Variants in TMEM38B observed in about 807,000 individuals in gnomAD.
The protein encoded by TMEM38B is trimeric intracellular cation channel type B.
In TMEM38B, 24 loss-of-function variants were observed where a neutral mutation model predicts 28.7. The ratio of observed to expected loss-of-function variants is 0.84; its 90% CI spans 0.61 to 1.18. The LOEUF is 1.18. TMEM38B is among the 50% of genes most tolerant of loss of function. The pLI, the probability that TMEM38B is intolerant of heterozygous loss-of-function variation, is 0.00. For missense variants in TMEM38B, 380 were observed against 350.9 expected (o/e 1.08, Z -0.66); for synonymous variants, 131 against 127.7 (o/e 1.03, Z -0.17).
Position 105,774,000 on chromosome 9 carries a change from G to T in TMEM38B, c.796G>T (p.Gly266Cys), listed in dbSNP as rs1226805292. ...AAGTGAAGCAAAGTCACCTTCCAAT[G>T]GCGTTGGGTCATTGGCCTCAAAGCC... ...KKSEAKSPSN[G>C]VGSLASKPVD... The change falls in exon 6 of 6, where the codon GGC becomes TGC. Residue 266 changes from glycine to cysteine, a missense_variant. Coordinates refer to ENST00000374692, the MANE Select transcript of TMEM38B (RefSeq NM_018112.3). 60 of 1,613,632 alleles carry T rather than the reference G, an allele frequency of 3.7e-5. No homozygotes were observed. Among genetic ancestry groups the T allele is most frequent in the Non-Finnish European group, 4.9e-5 (58 of 1,179,806 alleles).
At chr9:105,695,716 G>A (rs1319750294) in intron 1 of TMEM38B, among the ~76,000 whole-genome samples, 3 of 152,104 alleles carry the variant, frequency 2.0e-5, no homozygotes, top group Non-Finnish European at 4.4e-5. Flanking sequence ...TGATGAGTGA[G>A]GTCTGGAGGA....
chr9:105,715,906 A>AT (rs894741873), intron 2 of TMEM38B, among the ~76,000 whole-genome samples: 1 of 151,104 alleles, frequency 6.6e-6, no homozygotes, highest in African/African-American at 2.4e-5. Context: ...TATTCTGCTT[A>AT]TTTTTTTTCT....
chr9:105,774,254 G>T lies in TMEM38B; in HGVS notation c.*174G>T, dbSNP rs879161290. 8.3e-6 allele frequency: 5 copies of T among 600,818 alleles called. No homozygotes were observed. In the South Asian group the frequency reaches 8.4e-5, roughly 10 times the overall value. 37.2% of individuals were successfully genotyped at this position (600,818 alleles called of 1,614,324 possible). A position where few individuals can be genotyped will look rare whatever the true frequency, so the allele number is the denominator to read the frequency against. On this transcript the variant is annotated 3_prime_UTR_variant, in exon 6 of 6. Coordinates refer to ENST00000374692, the MANE Select transcript of TMEM38B (RefSeq NM_018112.3). ...GACTTCCCCTTTCTGGATTGTATTT[G>T]TAGAGTGTTACGAGTGTATCATGTG...
chr9:105,724,551 A>G (rs1198145097), intron 4 of TMEM38B, among the ~76,000 whole-genome samples: 1 of 151,632 alleles, frequency 6.6e-6, no homozygotes, highest in East Asian at 1.9e-4. Context: ...TGAACCTGGG[A>G]GGCAGAAGTT....
intron 5 of TMEM38B, among the ~76,000 whole-genome samples, chr9:105,761,300 G>A (rs2133639501): frequency 6.6e-6 from 1 of 152,046 alleles, no homozygotes; most frequent in Middle Eastern, 3.4e-3. Flanking sequence ...TAAAATATGT[G>A]TATATTTTAT....
At chr9:105,701,882 A>G (rs1464910924) in intron 1 of TMEM38B, among the ~76,000 whole-genome samples, 1 of 152,226 alleles carries the variant, frequency 6.6e-6, no homozygotes, top group Non-Finnish European at 1.5e-5. Context: ...GAATAACTGC[A>G]AGGTGAGTAT....
At chr9:105,742,013 A>G (rs1397817145) in intron 4 of TMEM38B, among the ~76,000 whole-genome samples, 1 of 152,202 alleles carries the variant, frequency 6.6e-6, no homozygotes, top group East Asian at 1.9e-4. Flanking sequence ...CTCTTTGCCT[A>G]GTGACATGGA....
At chr9:105,758,141 C>T (rs1326130637) in intron 5 of TMEM38B, 25 of 545,186 alleles carry the variant, frequency 4.6e-5, no homozygotes, top group South Asian at 1.6e-4. Flanking sequence ...CTGCCATGGA[C>T]GCCAGTGGGC....
At chr9:105,760,522 T>G in intron 5 of TMEM38B, 1 of 744,332 alleles carries the variant, frequency 1.3e-6, no homozygotes. Flanking sequence ...GCAAAAAGTT[T>G]CTACCTCTCA....
At chr9:105,718,999 T>C (rs1836218531) in intron 2 of TMEM38B, among the ~76,000 whole-genome samples, 1 of 152,192 alleles carries the variant, frequency 6.6e-6, no homozygotes, top group Non-Finnish European at 1.5e-5. Context: ...ACATGAACTG[T>C]ATTTAGTTTA....
chr9:105,763,720 T>A (rs12345569), intron 5 of TMEM38B, among the ~76,000 whole-genome samples: 3,982 of 151,902 alleles, frequency 0.026, 83 homozygotes, highest in Non-Finnish European at 0.036. Context: ...AATCCTCCCT[T>A]ACTCATTTTA....
intron 5 of TMEM38B, chr9:105,759,510 C>CTAA: frequency 6.3e-7 from 1 of 1,578,882 alleles, no homozygotes; most frequent in Non-Finnish European, 8.7e-7. Flanking sequence ...TGGGAGGAAG[C>CTAA]TGTCATAATT....
Position 105,774,235 on chromosome 9 carries a change from C to G in TMEM38B, c.*155C>G. 1.6e-6 allele frequency: 1 copy of G among 629,920 alleles called. No homozygotes were observed. The highest frequency in any genetic ancestry group is 2.0e-5 in the South Asian group (1 of 48,814). 39.0% of individuals were successfully genotyped at this position (629,920 alleles called of 1,614,324 possible). A position where few individuals can be genotyped will look rare whatever the true frequency, so the allele number is the denominator to read the frequency against. Reference sequence around the variant, plus strand: ...AAATTCTTTGTTTGAGGGAGACTTCCCCTTTCTGGATTGTATTTGTAGAGT... The same window carrying G: ...AAATTCTTTGTTTGAGGGAGACTTCGCCTTTCTGGATTGTATTTGTAGAGT... On this transcript the variant is annotated 3_prime_UTR_variant, in exon 6 of 6. Transcript: ENST00000374692.
At chr9:105,773,355 T>G (rs1826621068) in intron 5 of TMEM38B, among the ~76,000 whole-genome samples, 2 of 152,176 alleles carry the variant, frequency 1.3e-5, no homozygotes, top group Admixed American at 1.3e-4. Context: ...ATGATGATAG[T>G]CAGTGTATTT....
chr9:105,720,697 A>G (rs762707568), intron 2 of TMEM38B, among the ~76,000 whole-genome samples: 1 of 152,130 alleles, frequency 6.6e-6, no homozygotes, highest in Non-Finnish European at 1.5e-5. Context: ...AAGAGATATG[A>G]TATTCTTTCA....
chr9:105,758,437 A>G, intron 5 of TMEM38B: 1 of 1,392,570 alleles, frequency 7.2e-7, no homozygotes, highest in Non-Finnish European at 1.0e-6. Flanking sequence ...CAACACTTTA[A>G]AAAATATGGC....
At chr9:105,733,158 G>C (rs949034412) in intron 4 of TMEM38B, among the ~76,000 whole-genome samples, 2 of 152,278 alleles carry the variant, frequency 1.3e-5, no homozygotes, top group African/African-American at 4.8e-5. Context: ...TTCCAGTTAT[G>C]TGGTCAATTT....
intron 2 of TMEM38B, among the ~76,000 whole-genome samples, chr9:105,709,272 A>G (rs906037256): frequency 1.0e-3 from 155 of 152,314 alleles, no homozygotes; most frequent in African/African-American, 3.5e-3. Context: ...TAACTCCAGT[A>G]TATTACAGTC....
chr9:105,759,851 G>A, intron 5 of TMEM38B: 3 of 1,593,440 alleles, frequency 1.9e-6, no homozygotes, highest in Non-Finnish European at 2.6e-6. Context: ...AGGTCTCAGA[G>A]TTTGCTTTTA....
Sources: gnomAD v4.1 joint callset for allele counts (sites outside exome capture counted in the v4.1 genomes callset) on GRCh38, gnomAD v4.1.1 for gene constraint, MANE v1.5 for transcripts, NCBI Gene and HGNC (gene_info 2026-07-23, HGNC 2026-07-21) for gene names.